The following KCNG3 variants were observed in gnomAD, a reference collection of about 807,000 sequenced individuals.
The protein encoded by KCNG3 is voltage-gated potassium channel regulatory subunit KCNG3.
In KCNG3, 15 loss-of-function variants were observed where a neutral mutation model predicts 29.0. The observed-to-expected ratio is 0.52, with a 90% CI of 0.35 to 0.80. KCNG3 has a LOEUF of 0.80. KCNG3 is among the 30% of genes least tolerant of loss of function. The probability of loss-of-function intolerance (pLI) is 0.01; values close to 1 mark genes in which losing one functional copy is unlikely to be tolerated. For synonymous variants in KCNG3, 322 were observed against 248.9 expected (o/e 1.29, Z -2.76); for missense variants, 512 against 605.7 (o/e 0.85, Z 1.62).
chr2:42,428,418 G>A, the KCNG3 span, among the ~76,000 whole-genome samples: 1 of 139,062 alleles, frequency 7.2e-6, no homozygotes, highest in Non-Finnish European at 1.5e-5. Context: ...CCAAGATTGT[G>A]CCACTGCACT....
chr2:42,454,458 T>G (rs1672831854), intron 1 of KCNG3, among the ~76,000 whole-genome samples: 1 of 152,176 alleles, frequency 6.6e-6, no homozygotes, highest in South Asian at 2.1e-4. Flanking sequence ...ACTCCTGTAA[T>G]CCCAGCACTT....
At chr2:42,479,344 G>T (rs370302692) in intron 1 of KCNG3, among the ~76,000 whole-genome samples, 1 of 152,000 alleles carries the variant, frequency 6.6e-6, no homozygotes, top group African/African-American at 2.4e-5. Flanking sequence ...CATGAATATC[G>T]TCATATAAAA....
the KCNG3 span, among the ~76,000 whole-genome samples, chr2:42,409,347 T>C: frequency 6.6e-6 from 1 of 152,122 alleles, no homozygotes; most frequent in Non-Finnish European, 1.5e-5. Context: ...TGAGCCACCA[T>C]GCCTGGTGAT....
chr2:42,489,279 A>G (rs989527607), intron 1 of KCNG3, among the ~76,000 whole-genome samples: 2 of 151,990 alleles, frequency 1.3e-5, no homozygotes, highest in Non-Finnish European at 1.5e-5. Flanking sequence ...GGTCCCAGCT[A>G]CTCCACAGGC....
the KCNG3 span, among the ~76,000 whole-genome samples, chr2:42,434,232 G>T: frequency 3.3e-5 from 5 of 151,982 alleles, no homozygotes; most frequent in African/African-American, 1.2e-4. Flanking sequence ...TGTGAGGATT[G>T]CTTGAGCCCA....
chr2:42,449,077 A>G (rs1336108468), intron 1 of KCNG3, among the ~76,000 whole-genome samples: 3 of 151,946 alleles, frequency 2.0e-5, no homozygotes, highest in Non-Finnish European at 2.9e-5. Flanking sequence ...GTATGTTCAG[A>G]TTTTGGTATA....
At chr2:42,391,595 C>CTTTTTTTTTT in the KCNG3 span, among the ~76,000 whole-genome samples, 5 of 88,104 alleles carry the variant, frequency 5.7e-5, no homozygotes, top group Non-Finnish European at 6.1e-5. Flanking sequence ...TTTTATATCT[C>CTTTTTTTTTT]TTTTTTTTTT....
chr2:42,485,987 G>A (rs1188056243), intron 1 of KCNG3, among the ~76,000 whole-genome samples: 1 of 152,186 alleles, frequency 6.6e-6, no homozygotes, highest in East Asian at 1.9e-4. Context: ...TCTTTAACAG[G>A]TGAGACAGTC....
chr2:42,464,241 CAA>C (rs529188870), intron 1 of KCNG3, among the ~76,000 whole-genome samples: 46 of 152,266 alleles, frequency 3.0e-4, no homozygotes, highest in African/African-American at 1.0e-3. Context: ...TCTACGCACA[CAA>C]AGTTTCCAAA....
the KCNG3 span, among the ~76,000 whole-genome samples, chr2:42,435,928 A>C: frequency 2.0e-5 from 3 of 152,250 alleles, no homozygotes; most frequent in Non-Finnish European, 4.4e-5. Flanking sequence ...CCACATGATA[A>C]TTTGTACATG....
the KCNG3 span, among the ~76,000 whole-genome samples, chr2:42,411,895 G>A: frequency 6.6e-6 from 1 of 152,284 alleles, no homozygotes; most frequent in South Asian, 2.1e-4. Flanking sequence ...GAAATACAAG[G>A]GCTGAAAGGC....
At chr2:42,404,057 C>CT in the KCNG3 span, among the ~76,000 whole-genome samples, 135 of 152,158 alleles carry the variant, frequency 8.9e-4, no homozygotes, top group Middle Eastern at 3.4e-3. Context: ...TAAAGGTTAC[C>CT]TTTTTTTCTG....
chr2:42,491,132 T>C (rs1326230023), intron 1 of KCNG3, among the ~76,000 whole-genome samples: 1 of 152,194 alleles, frequency 6.6e-6, no homozygotes, highest in East Asian at 1.9e-4. Context: ...AAATAAGCAT[T>C]ACTTTTCTCC....
At chr2:42,473,460 C>A (rs1378697780) in intron 1 of KCNG3, among the ~76,000 whole-genome samples, 4 of 152,024 alleles carry the variant, frequency 2.6e-5, no homozygotes, top group Non-Finnish European at 4.4e-5. Flanking sequence ...AGGGATTCTC[C>A]TGCCTCAGCC....
chr2:42,395,105 A>T, the KCNG3 span, among the ~76,000 whole-genome samples: 4 of 152,312 alleles, frequency 2.6e-5, no homozygotes, highest in Middle Eastern at 6.8e-3. Flanking sequence ...GACTGAATAC[A>T]GGTATTTACT....
the KCNG3 span, among the ~76,000 whole-genome samples, chr2:42,433,004 C>T: frequency 6.7e-6 from 1 of 148,834 alleles, no homozygotes; most frequent in Non-Finnish European, 1.5e-5. Flanking sequence ...AGTTCCTCAA[C>T]CAAGTAAAGG....
chr2:42,470,858 A>G (rs1010122324), intron 1 of KCNG3, among the ~76,000 whole-genome samples: 21 of 151,518 alleles, frequency 1.4e-4, no homozygotes, highest in Admixed American at 1.2e-3. Context: ...CCTTGTCTCA[A>G]AAAAAAAGAA....
At chr2:42,433,886 C>T in the KCNG3 span, among the ~76,000 whole-genome samples, 1 of 152,328 alleles carries the variant, frequency 6.6e-6, no homozygotes, top group African/African-American at 2.4e-5. Flanking sequence ...GCTCTCTGGC[C>T]TTTGGACTGC....
intron 1 of KCNG3, among the ~76,000 whole-genome samples, chr2:42,471,669 G>A (rs564534152): frequency 6.6e-6 from 1 of 152,120 alleles, no homozygotes; most frequent in South Asian, 2.1e-4. Context: ...AAAAAGGAAT[G>A]AGCAATACAA....
Sources: gnomAD v4.1 joint callset for allele counts (sites outside exome capture counted in the v4.1 genomes callset) on GRCh38, gnomAD v4.1.1 for gene constraint, MANE v1.5 for transcripts, NCBI Gene and HGNC (gene_info 2026-07-23, HGNC 2026-07-21) for gene names.